The following JCAD variants were observed in gnomAD, a reference collection of about 807,000 sequenced individuals.
JCAD encodes junctional cadherin 5-associated protein.
In JCAD, 40 loss-of-function variants were observed where a neutral mutation model predicts 98.0. The observed-to-expected ratio is 0.41, with a 90% CI of 0.32 to 0.53. The LOEUF (loss-of-function observed/expected upper bound fraction) is 0.53. Among genes scored for constraint, JCAD ranks in the 20% least tolerant of loss-of-function variants. JCAD has a pLI of 0.31. For missense variants in JCAD, 1,705 were observed against 1,738.1 expected (o/e 0.98, Z 0.34); for synonymous variants, 691 against 682.3 (o/e 1.01, Z -0.20).
At chr10:30,107,687 G>C (rs527509864) in intron 1 of JCAD, among the ~76,000 whole-genome samples, 6 of 152,232 alleles carry the variant, frequency 3.9e-5, no homozygotes, top group African/African-American at 1.2e-4. Flanking sequence ...TCGCCCTGAA[G>C]TCTTCCTTGC....
chr10:30,029,136 G>C lies in JCAD; in HGVS notation c.1012C>G (p.Pro338Ala). 1 of 1,614,188 alleles carries C rather than the reference G, an allele frequency of 6.2e-7. No individual in the cohort carries two copies. Among genetic ancestry groups the C allele is most frequent in the Non-Finnish European group, 8.5e-7 (1 of 1,180,036 alleles). The stretch of plus-strand genomic sequence containing the variant: ...TATGAGGGCGGAGGCACGTACACTG[G>C]AGGTTCCAATCCAGGGTCTGACAGG... ...LCLSDPGLEP[P>A]VYVPPPSYRS... is the part of the protein sequence containing the mutation. The change falls in exon 3 of 4, where the codon CCA (proline) becomes GCA (alanine). Residue 338 changes from proline (P) to alanine (A), a missense_variant. Pro to Ala is a conservative substitution (Grantham distance 27). Around this residue, in one of 3 missense-constraint regions of JCAD, gnomAD observed 275 missense variants for 346.9 expected, o/e 0.79. Transcript: ENST00000375377.
Position 30,027,952 on chromosome 10 carries a change from C to T in JCAD, c.2196G>A (p.Thr732=), listed in dbSNP as rs1281929200. 1.2e-6 allele frequency: 2 copies of T among 1,614,120 alleles called. No homozygotes were observed. Among genetic ancestry groups the T allele is most frequent in the East Asian group, 2.2e-5 (1 of 44,892 alleles). ...GATCACCGGTAGGGAATGCTGTGTG[C>T]GTCTGAGCTTCGGAGGCAGCAGGGT... ...CSDPAASEAQ[T]HTAFPTGDHK... is the part of the protein sequence containing the mutation. Residue 732 remains threonine, a synonymous_variant, in exon 3 of 4, where the codon ACG becomes ACA. Transcript: ENST00000375377.
rs267602468 is a variant in JCAD, at chr10:30,028,888, G to A, written c.1260C>T (p.Phe420=). 28 of 1,614,180 alleles carry A rather than the reference G, an allele frequency of 1.7e-5. No homozygotes were observed. In the East Asian group the frequency reaches 4.5e-4, roughly 26 times the overall value. ...GATCATCAAAGGGAATGTACTGAAC[G>A]AAGCCGTCATAGGCAGTGACAGGTC... ...HPRPVTAYDG[F]VQYIPFDDPR... is the part of the protein sequence containing the mutation. The change falls in exon 3 of 4, where the codon TTC becomes TTT. Residue 420 remains phenylalanine, a synonymous_variant. Transcript: ENST00000375377.
chr10:30,043,808 C>T (rs1156529838), intron 2 of JCAD, among the ~76,000 whole-genome samples: 1 of 152,230 alleles, frequency 6.6e-6, no homozygotes, highest in Non-Finnish European at 1.5e-5. Context: ...AGGCATCTGG[C>T]AGCCCGGGGG....
intron 1 of JCAD, among the ~76,000 whole-genome samples, chr10:30,090,901 G>A (rs988720600): frequency 6.6e-6 from 1 of 152,180 alleles, no homozygotes; most frequent in Non-Finnish European, 1.5e-5. Context: ...AATGCCAGCC[G>A]GATGCAGGCA....
chr10:30,075,507 G>A (rs914752905), intron 1 of JCAD, among the ~76,000 whole-genome samples: 2 of 152,168 alleles, frequency 1.3e-5, no homozygotes, highest in African/African-American at 2.4e-5. Context: ...TTAATAAATG[G>A]ACTAACAGTC....
intron 2 of JCAD, among the ~76,000 whole-genome samples, chr10:30,038,877 G>A (rs1342732642): frequency 2.0e-5 from 3 of 151,996 alleles, no homozygotes; most frequent in African/African-American, 4.8e-5. Flanking sequence ...TGGGGCAGCC[G>A]CCAGCTGCGT....
rs923657921 is a variant in JCAD at position 30,017,171 on chromosome 10, T to C, written c.*712A>G. 2.0e-5 allele frequency: 3 copies of C among 152,132 alleles called. No homozygotes were observed. Among genetic ancestry groups the C allele is most frequent in the Non-Finnish European group, 4.4e-5 (3 of 67,994 alleles). The allele number at this position is 152,132 out of a possible 1,614,324, so 9.4% of individuals were successfully genotyped here. A position where few individuals can be genotyped will look rare whatever the true frequency, so the allele number is the denominator to read the frequency against. On this transcript the variant is annotated 3_prime_UTR_variant, in exon 4 of 4. Coordinates refer to ENST00000375377, the MANE Select transcript of JCAD (RefSeq NM_020848.4). ...TAAATACCCATACAGAAAATAAAAA[T>C]AGATAATACTGAGTGCAAAGCAGAC...
chr10:30,087,427 A>G (rs1838184448), intron 1 of JCAD, among the ~76,000 whole-genome samples: 1 of 152,174 alleles, frequency 6.6e-6, no homozygotes. Context: ...TGACGGAGAG[A>G]GACTCCGTCT....
Position 30,028,579 on chromosome 10 carries a change from C to T in JCAD, c.1569G>A (p.Arg523=), listed in dbSNP as rs748437887. Reference sequence around the variant, plus strand: ...TGCCTCTCACATCAGGCCACTGTCCCCTTGCCACACAGCGGTCTCTCTGGT... The same window carrying T: ...TGCCTCTCACATCAGGCCACTGTCCTCTTGCCACACAGCGGTCTCTCTGGT... The part of the protein sequence containing the change: ...LPNQRDRCVA[R]GQWPDVRGSQ... Residue 523 remains arginine, a synonymous_variant, in exon 3 of 4, where the codon AGG becomes AGA. Transcript: ENST00000375377. 2.2e-5 allele frequency: 35 copies of T among 1,614,176 alleles called. No individual in the cohort carries two copies. Among genetic ancestry groups the T allele is most frequent in the Non-Finnish European group, 2.5e-5 (30 of 1,180,024 alleles).
chr10:30,098,839 C>A (rs568609308), intron 1 of JCAD, among the ~76,000 whole-genome samples: 4 of 152,194 alleles, frequency 2.6e-5, no homozygotes, highest in Non-Finnish European at 5.9e-5. Context: ...CTTACTACAT[C>A]GTCCCCCAAA....
chr10:30,099,702 A>G (rs1838437353), intron 1 of JCAD, among the ~76,000 whole-genome samples: 1 of 152,212 alleles, frequency 6.6e-6, no homozygotes, highest in Non-Finnish European at 1.5e-5. Context: ...CTGAATTTAT[A>G]CTAAAACAGA....
intron 2 of JCAD, among the ~76,000 whole-genome samples, chr10:30,037,608 C>A (rs909061983): frequency 1.3e-5 from 2 of 151,802 alleles, no homozygotes; most frequent in Non-Finnish European, 2.9e-5. Flanking sequence ...ACATAAAGTA[C>A]CTGGCGGACT....
rs187653542 is a variant in JCAD at position 30,056,949 on chromosome 10, C to G, written c.-60+2533G>C. Among the ~76,000 whole-genome samples the G allele has an allele frequency of 1.1e-3, 165 of 152,270 alleles. 1 individual carries two copies. The highest frequency in any genetic ancestry group is 3.8e-3 in the African/African-American group (159 of 41,546). On this transcript the variant is annotated intron_variant, in intron 1 of 3. Coordinates refer to ENST00000375377, the MANE Select transcript of JCAD (RefSeq NM_020848.4). ...TGGACCTCAACATTCCTTCCATCAG[C>G]AGGCCCTTGAAACAAAGCACAAGAG... is the stretch of plus-strand genomic sequence containing the variant.
At chr10:30,024,688 ATT>A (rs35394945) in intron 3 of JCAD, among the ~76,000 whole-genome samples, 2,099 of 100,580 alleles carry the variant, frequency 0.021, 28 homozygotes, top group African/African-American at 0.09. Flanking sequence ...GCCCATGTAC[ATT>A]TTTTTTTTTT....
Position 30,027,220 on chromosome 10 carries a change from C to T in JCAD, c.2928G>A (p.Thr976=), listed in dbSNP as rs752931187. The stretch of plus-strand genomic sequence containing the variant: ...CGTCACTTGATCTTGAAGACATTCT[C>T]GTCACAGGAAATGGGCTACCTGCCA... The part of the protein sequence containing the change: ...DELAGSPFPV[T]RMSSRSSDAK... Residue 976 remains threonine, a synonymous_variant, in exon 3 of 4, where the codon ACG becomes ACA. Coordinates refer to ENST00000375377, the MANE Select transcript of JCAD (RefSeq NM_020848.4). 2.5e-6 allele frequency: 4 copies of T among 1,614,096 alleles called. No homozygotes were observed. Among genetic ancestry groups the T allele is most frequent in the African/African-American group, 2.7e-5 (2 of 74,950 alleles).
At chr10:30,082,725 C>T (rs1263947875) in intron 1 of JCAD, among the ~76,000 whole-genome samples, 3 of 152,052 alleles carry the variant, frequency 2.0e-5, no homozygotes, top group African/African-American at 7.2e-5. Flanking sequence ...GTGGTGCGTG[C>T]CTGTAATCCC....
chr10:30,078,025 A>C (rs1322838376), intron 1 of JCAD, among the ~76,000 whole-genome samples: 1 of 152,150 alleles, frequency 6.6e-6, no homozygotes, highest in African/African-American at 2.4e-5. Flanking sequence ...TCACATTCCC[A>C]CCAGCAATGA....
chr10:30,072,185 G>A (rs1236783083), intron 1 of JCAD, among the ~76,000 whole-genome samples: 1 of 151,734 alleles, frequency 6.6e-6, no homozygotes, highest in Non-Finnish European at 1.5e-5. Context: ...GAGAGGGAGG[G>A]GAGAGGGATA....
Sources: gnomAD v4.1 joint callset for allele counts (sites outside exome capture counted in the v4.1 genomes callset) on GRCh38, gnomAD v4.1.1 for gene constraint, gnomAD v4.1.1 regional missense constraint, MANE v1.5 for transcripts, NCBI Gene and HGNC (gene_info 2026-07-23, HGNC 2026-07-21) for gene names.